VAMP1: variants seen among roughly 807,000 people sequenced by gnomAD.
VAMP1 encodes the protein vesicle associated membrane protein 1.
In VAMP1, 16 loss-of-function variants were observed where a neutral mutation model predicts 19.1. That is an observed-to-expected ratio of 0.84 (90% CI 0.57 to 1.27). The LOEUF (loss-of-function observed/expected upper bound fraction) is 1.27. Among genes scored for constraint, VAMP1 ranks in the 50% most tolerant of loss-of-function variants. The pLI, the probability that VAMP1 is intolerant of heterozygous loss-of-function variation, is 0.00. For synonymous variants in VAMP1, 37 were observed against 50.2 expected, an observed-to-expected ratio of 0.74 and a Z score of 1.11; for missense variants, 109 against 145.4, an observed-to-expected ratio of 0.75 and a Z score of 1.29.
At chr12:6,464,602 A>T in intron 4 of VAMP1, 116 bp from the exon 5 acceptor site, 1 of 1,458,500 alleles carries the variant, frequency 6.9e-7, no homozygotes, top group South Asian at 1.5e-5. Flanking sequence ...TAAGTGCCCC[A>T]TCCCCATGGT....
At chr12:6,465,450 ACAT>A (rs1949996672) in intron 3 of VAMP1, 6 of 139,744 alleles carry the variant, frequency 4.3e-5, no homozygotes, top group South Asian at 2.2e-4. Context: ...ATGTATATAT[ACAT>A]ATGTGTATAT....
rs781012325 is a variant in VAMP1, at chr12:6,466,006, G to C, written c.130-6C>G. The C allele has an allele frequency of 1.5e-5, 25 of 1,614,052 alleles. No individual in the cohort carries two copies. Among genetic ancestry groups the C allele is most frequent in the Non-Finnish European group, 2.1e-5 (25 of 1,179,998 alleles). On this transcript the variant is annotated splice_region_variant and splice_polypyrimidine_tract_variant and intron_variant, in intron 2 of 4. Transcript: ENST00000396308. ...ACACGTATGATGTCCACCACCTGAGGAGGGCACAGAAACAAAGCAGCTAAG... is the reference window on the plus strand; with the variant it reads ...ACACGTATGATGTCCACCACCTGAGCAGGGCACAGAAACAAAGCAGCTAAG...
chr12:6,470,433 A>G, intron 1 of VAMP1, 97 bp downstream of exon 1: 8 of 1,572,776 alleles, frequency 5.1e-6, no homozygotes, highest in Non-Finnish European at 7.0e-6. Context: ...GCGTTGCTGC[A>G]GCTGCTGCAT....
chr12:6,468,233 G>C (rs1945678640), intron 1 of VAMP1, among the ~76,000 whole-genome samples: 1 of 152,242 alleles, frequency 6.6e-6, no homozygotes, highest in Admixed American at 6.5e-5. Flanking sequence ...CAGGAGGGAG[G>C]CTGTACACTG....
chr12:6,465,719 A>T, intron 3 of VAMP1, 123 bp downstream of exon 3: 1 of 1,339,926 alleles, frequency 7.5e-7, no homozygotes, highest in Non-Finnish European at 1.0e-6. Context: ...TTTCCTCCCA[A>T]GCGTTATGCT....
Position 6,464,947 on chromosome 12 carries a change from GA to G in VAMP1, c.289-7del. On this transcript the variant is annotated splice_polypyrimidine_tract_variant and splice_region_variant and intron_variant, in intron 3 of 4. Coordinates refer to ENST00000396308, the MANE Select transcript of VAMP1 (RefSeq NM_014231.5). ...GCTCCCAGCATGATCATCATCTGAGGAAACATGGACAAAAAATGAGCCCTTG... is the reference window on the plus strand; with the variant it reads ...GCTCCCAGCATGATCATCATCTGAGGAACATGGACAAAAAATGAGCCCTTG... The G allele has an allele frequency of 6.2e-7, 1 of 1,613,596 alleles. No individual in the cohort carries two copies. The highest frequency in any genetic ancestry group is 1.3e-5 in the African/African-American group (1 of 74,988).
In VAMP1 at chr12:6,462,983, G is replaced by A. The variant is rs192577738; in HGVS notation, c.*1487C>T. ...CTCAGCCTCTTCCTGTTCGTGGACC[G>A]AGGGAAGAAGGAATAAAGGGCCATG... On this transcript the variant is annotated 3_prime_UTR_variant, in exon 5 of 5. Transcript: ENST00000396308. The A allele has an allele frequency of 1.6e-5, 25 of 1,551,262 alleles. No individual in the cohort carries two copies. Among genetic ancestry groups the A allele is most frequent in the Admixed American group, 2.0e-5 (1 of 51,016 alleles).
intron 3 of VAMP1, chr12:6,465,467 G>GTATATATA (rs1949999836): frequency 3.8e-4 from 14 of 36,878 alleles, no homozygotes; most frequent in African/African-American, 2.1e-3. Flanking sequence ...TGTATATATA[G>GTATATATA]TGTGTGTGTG....
chr12:6,467,792 G>T (rs965599510), intron 1 of VAMP1, among the ~76,000 whole-genome samples: 2 of 152,238 alleles, frequency 1.3e-5, no homozygotes, highest in African/African-American at 4.8e-5. Context: ...TAGGGACTTA[G>T]TGCCCTGTGT....
chr12:6,463,105 A>G lies in VAMP1; in HGVS notation c.*1365T>C. 2 of 1,514,538 alleles carry G rather than the reference A, an allele frequency of 1.3e-6. No homozygotes were observed. The highest frequency in any genetic ancestry group is 1.8e-6 in the Non-Finnish European group (2 of 1,134,938). The allele number at this position is 1,514,538 out of a possible 1,614,324, so 93.8% of individuals were successfully genotyped here. A position where few individuals can be genotyped will look rare whatever the true frequency, so the allele number is the denominator to read the frequency against. On this transcript the variant is annotated 3_prime_UTR_variant, in exon 5 of 5. Transcript: ENST00000396308. This position sits in a 1 kb window ranked among gnomAD's most constrained non-coding sequence, Gnocchi z 4.0. ...TCCTGAAGCTCAGCAATTGCCCCGA[A>G]GATAGGCTGAGCAGATCCCATCCTC...
chr12:6,462,609 T>C lies in VAMP1; in HGVS notation c.*1861A>G. 1.6e-6 allele frequency: 1 copy of C among 606,128 alleles called. No individual in the cohort carries two copies. Among genetic ancestry groups the C allele is most frequent in the East Asian group, 2.8e-5 (1 of 35,540 alleles). The allele number at this position is 606,128 out of a possible 1,614,324, so 37.5% of individuals were successfully genotyped here. On this transcript the variant is annotated 3_prime_UTR_variant, in exon 5 of 5. Coordinates refer to ENST00000396308, the MANE Select transcript of VAMP1 (RefSeq NM_014231.5). ...AATACCCCCAAAGAACAAGGCCAAC[T>C]ACACCTGGTGAGCCTCAGAGGGACA...
intron 3 of VAMP1, 117 bp from the exon 4 acceptor site, chr12:6,465,058 T>A (rs1949970855): frequency 1.3e-6 from 2 of 1,495,296 alleles, no homozygotes; most frequent in Middle Eastern, 1.8e-4. Context: ...AAACCACCCA[T>A]CACCCAGGAG....
rs758222790 is a variant in VAMP1, at chr12:6,462,788, G to A, written c.*1682C>T. On this transcript the variant is annotated 3_prime_UTR_variant, in exon 5 of 5. Coordinates refer to ENST00000396308, the MANE Select transcript of VAMP1 (RefSeq NM_014231.5). ...AGCCCAGAGGAGAGTGGAGACCTTC[G>A]AGGGGGGCCGTTGGGAGGGTACTGA... is the stretch of plus-strand genomic sequence containing the variant. The A allele has an allele frequency of 1.8e-5, 29 of 1,576,932 alleles. No homozygotes were observed. The highest frequency in any genetic ancestry group is 1.5e-4 in the African/African-American group (11 of 74,318).
At chr12:6,465,103 G>C (rs567506477) in intron 3 of VAMP1, 162 bp from the exon 4 acceptor site, 2 of 967,878 alleles carry the variant, frequency 2.1e-6, no homozygotes, top group South Asian at 3.1e-5. Flanking sequence ...CTACCCTTCT[G>C]CTTCCCAGGG....
rs1949943090 is a variant in VAMP1, at chr12:6,464,050, C to G, written c.*420G>C. The G allele has an allele frequency of 7.7e-7, 1 of 1,297,352 alleles. No homozygotes were observed. The highest frequency in any genetic ancestry group is 1.2e-5 in the South Asian group (1 of 81,110). The allele number at this position is 1,297,352 out of a possible 1,614,324, so 80.4% of individuals were successfully genotyped here. ...TGAGTGAGCTGCCATCTTCCCAGCC[C>G]CTCCCTAGCTCCTACCAGTGGCCAG... On this transcript the variant is annotated 3_prime_UTR_variant, in exon 5 of 5. Transcript: ENST00000396308.
intron 3 of VAMP1, chr12:6,465,373 A>ATGTATATATATGTATATATATATAC (rs1565525991): frequency 9.6e-6 from 1 of 104,214 alleles, no homozygotes; most frequent in African/African-American, 4.4e-5. Flanking sequence ...TATATATATA[A>ATGTATATATATGTATATATATATAC]ATGTATATAT....
At chr12:6,469,581 T>G (rs1945715952) in intron 1 of VAMP1, among the ~76,000 whole-genome samples, 1 of 152,218 alleles carries the variant, frequency 6.6e-6, no homozygotes, top group African/African-American at 2.4e-5. Context: ...AACAGTAAAA[T>G]ATCTAGGGAT....
rs71584835 is a variant in VAMP1 at position 6,463,918 on chromosome 12, A to G, written c.*552T>C. ...AAATAACTACAAAAAACAAGTTTTT[A>G]CTTTCGAAAAGGGTACTGCACTGAA... On this transcript the variant is annotated 3_prime_UTR_variant, in exon 5 of 5. Coordinates refer to ENST00000396308, the MANE Select transcript of VAMP1 (RefSeq NM_014231.5). The surrounding 1 kb of genome is among the most constrained non-coding windows in gnomAD (Gnocchi z 4.0). 42 of 1,287,482 alleles carry G rather than the reference A, an allele frequency of 3.3e-5. No individual in the cohort carries two copies. The highest frequency in any genetic ancestry group is 4.1e-5 in the Non-Finnish European group (41 of 988,270). The allele number at this position is 1,287,482 out of a possible 1,614,324, so 79.8% of individuals were successfully genotyped here.
chr12:6,464,179 G>A lies in VAMP1; in HGVS notation c.*291C>T. ...CACTCCCCTCCCTGCCCCTTCCCTT[G>A]GCCTCCAACTCTTTGGGGCTTTGGG... On this transcript the variant is annotated 3_prime_UTR_variant, in exon 5 of 5. Coordinates refer to ENST00000396308, the MANE Select transcript of VAMP1 (RefSeq NM_014231.5). The A allele has an allele frequency of 6.9e-7, 1 of 1,453,920 alleles. No homozygotes were observed. The highest frequency in any genetic ancestry group is 9.1e-7 in the Non-Finnish European group (1 of 1,094,092). 90.1% of individuals were successfully genotyped at this position (1,453,920 alleles called of 1,614,324 possible).
Sources: allele counts gnomAD v4.1 joint callset (sites outside exome capture counted in the v4.1 genomes callset), GRCh38; gene constraint gnomAD v4.1.1; non-coding constraint Gnocchi (gnomAD v3.1); transcripts MANE v1.5; gene names NCBI Gene and HGNC (gene_info 2026-07-23, HGNC 2026-07-21).